The following NALF1 variants were observed in gnomAD, a reference collection of about 807,000 sequenced individuals.
NALF1 encodes the protein family with sequence similarity 155 member A.
A neutral mutation model predicts 48.4 loss-of-function variants in NALF1; 3 were observed. The ratio of observed to expected loss-of-function variants is 0.06; its 90% CI spans 0.03 to 0.16. The LOEUF (loss-of-function observed/expected upper bound fraction) is 0.16. NALF1 is among the 10% of genes least tolerant of loss of function. NALF1 has a pLI of 1.00. For missense variants in NALF1, 526 were observed against 571.5 expected, an observed-to-expected ratio of 0.92 and a Z score of 0.81; for synonymous variants, 262 against 245.7, an observed-to-expected ratio of 1.07 and a Z score of -0.62.
intron 1 of NALF1, among the ~76,000 whole-genome samples, chr13:107,543,683 A>T (rs1594120194): frequency 6.6e-6 from 1 of 152,144 alleles, no homozygotes; most frequent in Non-Finnish European, 1.5e-5. Flanking sequence ...GTATATATAT[A>T]CGCGTATATA....
intron 1 of NALF1, among the ~76,000 whole-genome samples, chr13:107,288,218 A>C (rs1881536454): frequency 8.6e-6 from 1 of 115,798 alleles, no homozygotes; most frequent in African/African-American, 3.0e-5. Flanking sequence ...TGATCTGAAG[A>C]CTTTTTTTTT....
intron 1 of NALF1, among the ~76,000 whole-genome samples, chr13:107,568,529 T>G (rs1410405641): frequency 6.6e-6 from 1 of 152,248 alleles, no homozygotes; most frequent in African/African-American, 2.4e-5. Flanking sequence ...AGTACCAAAC[T>G]ATTTTTGGAA....
chr13:107,276,399 C>T (rs966705057), intron 1 of NALF1, among the ~76,000 whole-genome samples: 1 of 152,058 alleles, frequency 6.6e-6, no homozygotes, highest in African/African-American at 2.4e-5. Flanking sequence ...TCCTTTCTTC[C>T]CACAGAACAT....
At chr13:107,276,226 C>T (rs1326091201) in intron 1 of NALF1, among the ~76,000 whole-genome samples, 2 of 152,152 alleles carry the variant, frequency 1.3e-5, no homozygotes, top group Non-Finnish European at 2.9e-5. Flanking sequence ...CGTGAGGGAG[C>T]ATCTCCAGGC....
At chr13:107,433,424 A>T (rs78089081) in intron 1 of NALF1, among the ~76,000 whole-genome samples, 2,274 of 152,242 alleles carry the variant, frequency 0.015, 54 homozygotes, top group African/African-American at 0.052. Flanking sequence ...ATTGCCCATT[A>T]TATATCAAAT....
At chr13:107,757,195 G>A (rs1782613620) in intron 1 of NALF1, among the ~76,000 whole-genome samples, 1 of 152,168 alleles carries the variant, frequency 6.6e-6, no homozygotes. Context: ...ACAGGAAGGT[G>A]TGAAAAGTGT....
intron 1 of NALF1, among the ~76,000 whole-genome samples, chr13:107,300,762 T>C (rs1881821133): frequency 6.6e-6 from 1 of 152,178 alleles, no homozygotes; most frequent in African/African-American, 2.4e-5. Context: ...AAATAGCTTG[T>C]TGAAATGTCT....
intron 1 of NALF1, among the ~76,000 whole-genome samples, chr13:107,818,347 C>T (rs550496941): frequency 3.3e-4 from 50 of 152,244 alleles, no homozygotes; most frequent in African/African-American, 1.2e-3. Flanking sequence ...AACTTTTGCT[C>T]AGGGCCACAT....
chr13:107,363,242 C>T (rs1002635041), intron 1 of NALF1, among the ~76,000 whole-genome samples: 5 of 152,114 alleles, frequency 3.3e-5, no homozygotes, highest in African/African-American at 1.2e-4. Context: ...TTATTCAGAA[C>T]ACTGTGTTGA....
intron 1 of NALF1, among the ~76,000 whole-genome samples, chr13:107,415,038 T>C (rs1884061824): frequency 6.6e-6 from 1 of 152,164 alleles, no homozygotes; most frequent in Admixed American, 6.5e-5. Flanking sequence ...TTATAATGCT[T>C]ACCTTTAAAA....
At chr13:107,828,042 G>A (rs189812658) in intron 1 of NALF1, among the ~76,000 whole-genome samples, 3 of 152,300 alleles carry the variant, frequency 2.0e-5, no homozygotes, top group East Asian at 3.9e-4. Context: ...CTGTGCCAAT[G>A]TATACTCACA....
intron 1 of NALF1, among the ~76,000 whole-genome samples, chr13:107,454,621 C>A (rs375623560): frequency 2.0e-5 from 3 of 152,106 alleles, no homozygotes; most frequent in African/African-American, 7.2e-5. Flanking sequence ...AACCATATCA[C>A]AGTTGTATAT....
intron 1 of NALF1, among the ~76,000 whole-genome samples, chr13:107,239,265 G>A (rs1880416208): frequency 6.6e-6 from 1 of 152,180 alleles, no homozygotes; most frequent in African/African-American, 2.4e-5. Flanking sequence ...GACAGGCCAT[G>A]CTCTCTCCAA....
chr13:107,474,469 G>A (rs191528861), intron 1 of NALF1, among the ~76,000 whole-genome samples: 9 of 152,164 alleles, frequency 5.9e-5, no homozygotes, highest in East Asian at 1.9e-4. Context: ...ATTGATACTC[G>A]TATGGTTTAC....
At chr13:107,721,276 A>G (rs1205876331) in intron 1 of NALF1, among the ~76,000 whole-genome samples, 2 of 152,112 alleles carry the variant, frequency 1.3e-5, no homozygotes, top group Non-Finnish European at 2.9e-5. Flanking sequence ...ACCGGTTCCT[A>G]GGGGACAAAA....
chr13:107,515,179 T>C (rs1292550718), intron 1 of NALF1, among the ~76,000 whole-genome samples: 1 of 152,106 alleles, frequency 6.6e-6, no homozygotes, highest in Non-Finnish European at 1.5e-5. Flanking sequence ...TAGAAACTAC[T>C]CCAGACTGAG....
intron 1 of NALF1, among the ~76,000 whole-genome samples, chr13:107,711,727 T>C (rs1199894871): frequency 6.6e-6 from 1 of 152,254 alleles, no homozygotes; most frequent in African/African-American, 2.4e-5. Flanking sequence ...TATTAATCTA[T>C]GACAACAATA....
chr13:107,436,218 A>C (rs1426317854), intron 1 of NALF1, among the ~76,000 whole-genome samples: 6 of 152,228 alleles, frequency 3.9e-5, no homozygotes, highest in Non-Finnish European at 8.8e-5. Flanking sequence ...TTGCAGTTAC[A>C]ATTAATAGGT....
At chr13:107,569,442 A>G (rs1877918266) in intron 1 of NALF1, among the ~76,000 whole-genome samples, 2 of 152,070 alleles carry the variant, frequency 1.3e-5, no homozygotes, top group African/African-American at 2.4e-5. Context: ...ACCGCACTCC[A>G]GCCTGGGCGA....
Sources: allele counts gnomAD v4.1 joint callset (sites outside exome capture counted in the v4.1 genomes callset), GRCh38; gene constraint gnomAD v4.1.1; transcripts MANE v1.5; gene names NCBI Gene and HGNC (gene_info 2026-07-23, HGNC 2026-07-21).